Variants in DMD observed in about 807,000 individuals in gnomAD.
DMD encodes dystrophin.
In DMD, 63 loss-of-function variants were observed where a neutral mutation model predicts 330.1. The ratio of observed to expected loss-of-function variants is 0.19; its 90% CI spans 0.16 to 0.24. DMD has a LOEUF of 0.24. DMD is among the 10% of genes least tolerant of loss of function. The probability of loss-of-function intolerance (pLI) is 1.00; values close to 1 mark genes in which losing one functional copy is unlikely to be tolerated. For synonymous variants in DMD, 1,223 were observed against 959.8 expected (o/e 1.27, Z -5.07); for missense variants, 3,344 against 2,684.1 (o/e 1.25, Z -5.43).
chrX:31,667,526 A>AG (rs892698518), intron 53 of DMD, among the ~76,000 whole-genome samples: 1 of 110,168 alleles, frequency 9.1e-6, no homozygotes, highest in Non-Finnish European at 1.9e-5. Flanking sequence ...GTAGGGGGAA[A>AG]GGGGGGGATG....
chrX:32,875,538 A>C (rs1176068284), intron 2 of DMD, among the ~76,000 whole-genome samples: 2 of 112,181 alleles, frequency 1.8e-5, no homozygotes, highest in African/African-American at 6.5e-5. Context: ...GCCCGGTTGT[A>C]AGCACCGAAG....
chrX:31,147,614 C>A, intron 74 of DMD, 96 bp from the exon 75 acceptor site: 1 of 673,590 alleles, frequency 1.5e-6, no homozygotes. Context: ...TTTTATATAC[C>A]ATGGTAGATA....
At position 31,670,121 on chromosome X, in the gene DMD, A is replaced by C. The variant is rs185863249; in HGVS notation, c.7872+9254T>G. Among the ~76,000 whole-genome samples, 696 of 111,743 alleles carry C rather than the reference A, an allele frequency of 6.2e-3. 6 individuals are homozygous for C. Among genetic ancestry groups the C allele is most frequent in the African/African-American group, 0.021 (656 of 30,871 alleles). ...ATTATTCATTTTTAATGTATAAAAT[A>C]ATTCATTTTGTATATTGATCTTGTA... is the stretch of plus-strand genomic sequence containing the variant. On this transcript the variant is annotated intron_variant, in intron 53 of 78. Transcript: ENST00000357033.
chrX:32,557,048 C>T (rs903454318), intron 16 of DMD, among the ~76,000 whole-genome samples: 5 of 111,659 alleles, frequency 4.5e-5, no homozygotes, highest in African/African-American at 1.6e-4. Context: ...AGAAAAACTC[C>T]CTTGCTATGT....
At chrX:32,615,604 T>C (rs981514758) in intron 11 of DMD, among the ~76,000 whole-genome samples, 1 of 111,820 alleles carries the variant, frequency 8.9e-6, no homozygotes, top group Non-Finnish European at 1.9e-5. Context: ...ATTAGGAATA[T>C]GTTATTTTGA....
In DMD at chrX:31,240,149, A is replaced by G. The variant is rs1282899335; in HGVS notation, c.9287-17028T>C. Among the ~76,000 whole-genome samples the G allele has an allele frequency of 2.7e-5, 3 of 109,887 alleles. No homozygotes were observed. In the Admixed American group the frequency reaches 2.9e-4, roughly 11 times the overall value. On this transcript the variant is annotated intron_variant, in intron 63 of 78. Transcript: ENST00000357033. The stretch of plus-strand genomic sequence containing the variant: ...CCTGTCTTATTAAAACACTGACATA[A>G]CTCTCCATAGTGCAAGTTTTCATTC...
intron 51 of DMD, among the ~76,000 whole-genome samples, chrX:31,764,505 T>C (rs1179989234): frequency 8.9e-6 from 1 of 111,753 alleles, no homozygotes; most frequent in Non-Finnish European, 1.9e-5. Flanking sequence ...TTCTTTCACA[T>C]TTAGGGAAAA....
chrX:32,069,272 T>C (rs1264450008), intron 44 of DMD, among the ~76,000 whole-genome samples: 5 of 111,600 alleles, frequency 4.5e-5, no homozygotes, highest in Non-Finnish European at 7.5e-5. Flanking sequence ...ATCTTAGAAA[T>C]ATGTACAATC....
intron 44 of DMD, among the ~76,000 whole-genome samples, chrX:32,093,076 G>A (rs1018472520): frequency 2.7e-5 from 3 of 111,351 alleles, no homozygotes; most frequent in African/African-American, 9.8e-5. Flanking sequence ...ATTAAAGTAT[G>A]AAATAAGTTA....
intron 7 of DMD, among the ~76,000 whole-genome samples, chrX:32,780,407 T>A (rs187902510): frequency 3.1e-4 from 35 of 112,433 alleles, no homozygotes; most frequent in Non-Finnish European, 6.2e-4. Flanking sequence ...ATCAATTACC[T>A]TGGGAATAAA....
At chrX:31,184,630 C>T (rs1324015356) in intron 67 of DMD, among the ~76,000 whole-genome samples, 6 of 83,099 alleles carry the variant, frequency 7.2e-5, no homozygotes, top group African/African-American at 1.0e-4. Context: ...ACCCAAAGGA[C>T]TATAAATCAT....
intron 7 of DMD, among the ~76,000 whole-genome samples, chrX:32,745,459 G>C (rs148765560): frequency 8.9e-6 from 1 of 111,947 alleles, no homozygotes; most frequent in African/African-American, 3.2e-5. Flanking sequence ...TTCAGGCAAA[G>C]GTAAAAATAA....
intron 1 of DMD, among the ~76,000 whole-genome samples, chrX:33,074,411 C>CTA (rs1340136097): frequency 1.0e-4 from 9 of 87,170 alleles, no homozygotes; most frequent in African/African-American, 5.3e-4. Flanking sequence ...TCTTTTAACA[C>CTA]TATATTTTTT....
intron 2 of DMD, among the ~76,000 whole-genome samples, chrX:32,940,803 C>T (rs978509742): frequency 9.0e-6 from 1 of 111,235 alleles, no homozygotes; most frequent in Non-Finnish European, 1.9e-5. Context: ...AATTGACAAG[C>T]GAGACCTAAT....
At chrX:31,544,655 T>G (rs1174931111) in intron 55 of DMD, among the ~76,000 whole-genome samples, 2 of 111,640 alleles carry the variant, frequency 1.8e-5, no homozygotes, top group African/African-American at 3.3e-5. Flanking sequence ...TACACACTTT[T>G]CCCTGATTCT....
chrX:32,105,090 T>A (rs1221061054), intron 44 of DMD, among the ~76,000 whole-genome samples: 1 of 112,040 alleles, frequency 8.9e-6, no homozygotes, highest in Non-Finnish European at 1.9e-5. Context: ...AAACACTGTT[T>A]ACGCATCATG....
chrX:32,312,500 C>A lies in DMD; in HGVS notation c.5923-2224G>T, dbSNP rs138204984. On this transcript the variant is annotated intron_variant, in intron 41 of 78. Transcript: ENST00000357033. ...GTCAAATATAATGAAGAAAAAGACA[C>A]TCAAAATATACTCACTTTTGTCTGC... 4.1e-3 allele frequency among the ~76,000 whole-genome samples: 454 copies of A among 110,740 alleles called. 12 individuals are homozygous for A. In the East Asian group the frequency reaches 0.083, roughly 20 times the overall value.
chrX:32,833,592 C>T (rs989059563), intron 4 of DMD, among the ~76,000 whole-genome samples: 5 of 106,000 alleles, frequency 4.7e-5, no homozygotes, highest in Admixed American at 1.0e-4. Flanking sequence ...TTTGTAATTA[C>T]GTATCTTTTA....
intron 57 of DMD, among the ~76,000 whole-genome samples, chrX:31,492,865 G>C (rs1336991637): frequency 9.4e-6 from 1 of 106,455 alleles, no homozygotes; most frequent in Non-Finnish European, 1.9e-5. Context: ...TCACACACTG[G>C]GGCCTGTCAG....
Sources: gnomAD v4.1 joint callset for allele counts (sites outside exome capture counted in the v4.1 genomes callset) on GRCh38, gnomAD v4.1.1 for gene constraint, MANE v1.5 for transcripts, NCBI Gene and HGNC (gene_info 2026-07-23, HGNC 2026-07-21) for gene names.